The following ZCWPW1 variants were observed in gnomAD, a reference collection of about 807,000 sequenced individuals.
The protein encoded by ZCWPW1 is zinc finger CW-type and PWWP domain containing 1.
ZCWPW1 carries 56 observed loss-of-function variants against 81.3 expected under a neutral mutation model. The observed-to-expected ratio is 0.69, with a 90% CI of 0.56 to 0.86. ZCWPW1 has a LOEUF of 0.86. ZCWPW1 is among the 40% of genes least tolerant of loss of function. ZCWPW1 has a pLI of 0.00. For missense variants in ZCWPW1, 650 were observed against 769.8 expected, an observed-to-expected ratio of 0.84 and a Z score of 1.84; for synonymous variants, 250 against 273.7, an observed-to-expected ratio of 0.91 and a Z score of 0.86.
intron 5 of ZCWPW1, chr7:100,417,421 C>T (rs928116027): frequency 6.8e-6 from 3 of 440,820 alleles, no homozygotes; most frequent in Non-Finnish European, 1.2e-5. Flanking sequence ...ATTTTGTGTA[C>T]ATAAAAAAAT....
Position 100,409,551 on chromosome 7 carries a change from G to C in ZCWPW1, c.755-7C>G, listed in dbSNP as rs758883408. ...ACCCAGACCAGACATTGACCTGTGA[G>C]AGGAAAAAAATGAAATAAGAGACTT... On this transcript the variant is annotated splice_polypyrimidine_tract_variant and splice_region_variant and intron_variant, in intron 8 of 17. Transcript: ENST00000684423. 63 of 1,601,104 alleles carry C rather than the reference G, an allele frequency of 3.9e-5. No homozygotes were observed. Among genetic ancestry groups the C allele is most frequent in the Non-Finnish European group, 5.0e-5 (59 of 1,170,926 alleles).
rs575221243 is a variant in ZCWPW1 at position 100,417,450 on chromosome 7, G to A, written c.362-267C>T. Reference sequence around the variant, plus strand: ...AAAAAATTATAGGCCAGGCATGGTGGCTCACGCCTGTAATCCTAACACTTT... The same window carrying A: ...AAAAAATTATAGGCCAGGCATGGTGACTCACGCCTGTAATCCTAACACTTT... On this transcript the variant is annotated intron_variant, in intron 5 of 17. Coordinates refer to ENST00000684423, the MANE Select transcript of ZCWPW1 (RefSeq NM_001386010.1). 78 of 365,310 alleles carry A rather than the reference G, an allele frequency of 2.1e-4. No homozygotes were observed. In the South Asian group the frequency reaches 2.7e-3, roughly 13 times the overall value. The allele number at this position is 365,310 out of a possible 1,614,324, so 22.6% of individuals were successfully genotyped here.
intron 8 of ZCWPW1, among the ~76,000 whole-genome samples, chr7:100,412,934 C>G (rs1413242637): frequency 6.6e-6 from 1 of 152,088 alleles, no homozygotes. Flanking sequence ...GTTACCCATG[C>G]TGGAGTGATG....
chr7:100,418,803 A>T (rs1563144822), intron 5 of ZCWPW1: 1 of 163,130 alleles, frequency 6.1e-6, no homozygotes, highest in African/African-American at 2.4e-5. Flanking sequence ...AAAAAAAAAA[A>T]TAATAAATAA....
At chr7:100,424,947 A>T (rs1337039964) in intron 2 of ZCWPW1, 83 bp downstream of exon 2, 1 of 152,188 alleles carries the variant, frequency 6.6e-6, no homozygotes, top group Non-Finnish European at 1.5e-5. Flanking sequence ...GATGTAATAA[A>T]TCTATAAACA....
chr7:100,402,997 T>C (rs985538875), intron 15 of ZCWPW1, among the ~76,000 whole-genome samples: 2 of 152,098 alleles, frequency 1.3e-5, no homozygotes, highest in Non-Finnish European at 2.9e-5. Flanking sequence ...GTCAAATACA[T>C]ACAGTAGGAA....
At position 100,416,377 on chromosome 7, in the gene ZCWPW1, C is replaced by G; in HGVS notation, c.559G>C (p.Gly187Arg). The G allele has an allele frequency of 1.2e-6, 2 of 1,614,126 alleles. No homozygotes were observed. Among genetic ancestry groups the G allele is most frequent in the Non-Finnish European group, 1.7e-6 (2 of 1,180,024 alleles). Residue 187 changes from glycine (G) to arginine (R), a missense_variant, in exon 7 of 18, where the codon GGC (glycine) becomes CGC (arginine). Physicochemically the swap from Gly to Arg is moderately radical, Grantham distance 125. Coordinates refer to ENST00000684423, the MANE Select transcript of ZCWPW1 (RefSeq NM_001386010.1). Reference sequence around the variant, plus strand: ...TTAGAGGGTGCAGGATCTGGCTGGCCTAACTTAGATGTCCTTATCTCAGGG... The same window carrying G: ...TTAGAGGGTGCAGGATCTGGCTGGCGTAACTTAGATGTCCTTATCTCAGGG... ...AAPEIRTSKLGQPDPAPSKKK... is the reference protein window; with the variant it reads ...AAPEIRTSKLRQPDPAPSKKK...
chr7:100,410,383 A>T (rs1215679301), intron 8 of ZCWPW1, among the ~76,000 whole-genome samples: 1 of 152,134 alleles, frequency 6.6e-6, no homozygotes, highest in Non-Finnish European at 1.5e-5. Flanking sequence ...AAGTGCAGTC[A>T]GTTCCTCTCA....
intron 14 of ZCWPW1, 127 bp from the exon 15 acceptor site, chr7:100,403,912 A>C: frequency 9.4e-7 from 1 of 1,066,908 alleles, no homozygotes; most frequent in South Asian, 1.4e-5. Flanking sequence ...TTCTCCATAA[A>C]ATGTGATCCC....
intron 2 of ZCWPW1, among the ~76,000 whole-genome samples, chr7:100,423,547 C>G (rs563685708): frequency 6.6e-6 from 1 of 152,318 alleles, no homozygotes; most frequent in East Asian, 1.9e-4. Context: ...CAGCATTTTT[C>G]TCTTCCTTTT....
At chr7:100,416,945 CAAA>C (rs377744181) in intron 6 of ZCWPW1, 118 bp downstream of exon 6, 5,699 of 574,432 alleles carry the variant, frequency 9.9e-3, no homozygotes, top group South Asian at 0.013. Context: ...GACTCCGTCT[CAAA>C]AAAAAAAAAA....
chr7:100,418,956 A>G (rs1795849767), intron 5 of ZCWPW1, 155 bp downstream of exon 5: 2 of 580,772 alleles, frequency 3.4e-6, no homozygotes, highest in Non-Finnish European at 6.0e-6. Flanking sequence ...CTGTTGACAG[A>G]TGATGAAGTA....
At chr7:100,427,736 T>G (rs1797947093) in intron 1 of ZCWPW1, among the ~76,000 whole-genome samples, 1 of 149,934 alleles carries the variant, frequency 6.7e-6, no homozygotes, top group South Asian at 2.1e-4. Context: ...CAAATCCACC[T>G]GCAATCCAAA....
intron 8 of ZCWPW1, 150 bp from the exon 9 acceptor site, chr7:100,409,694 G>A: frequency 1.6e-6 from 1 of 609,490 alleles, no homozygotes. Context: ...ACTTATAAGA[G>A]GGAAACCAAG....
At chr7:100,409,026 G>GGA (rs1793647177) in intron 9 of ZCWPW1, among the ~76,000 whole-genome samples, 1 of 152,066 alleles carries the variant, frequency 6.6e-6, no homozygotes, top group Non-Finnish European at 1.5e-5. Flanking sequence ...AAATAATTGG[G>GGA]CTGGACAAGA....
At chr7:100,402,607 G>A (rs1423119678) in intron 15 of ZCWPW1, 31 bp from the exon 16 acceptor site, 1 of 1,603,524 alleles carries the variant, frequency 6.2e-7, no homozygotes, top group Non-Finnish European at 8.5e-7. Flanking sequence ...TTAAAAAAAT[G>A]ATAAATCAAG....
At chr7:100,427,354 G>C (rs1032044856) in intron 1 of ZCWPW1, among the ~76,000 whole-genome samples, 1 of 150,746 alleles carries the variant, frequency 6.6e-6, no homozygotes, top group Non-Finnish European at 1.5e-5. Flanking sequence ...CCTTAAGTCA[G>C]GAGTTCGGGA....
chr7:100,403,621 T>C (rs1430731261), intron 15 of ZCWPW1, 73 bp downstream of exon 15: 2 of 1,417,664 alleles, frequency 1.4e-6, no homozygotes, highest in Admixed American at 2.0e-5. Flanking sequence ...TCCAGGAGTT[T>C]GAGACCAGCC....
At chr7:100,424,869 G>C (rs1473121685) in intron 2 of ZCWPW1, among the ~76,000 whole-genome samples, 161 bp downstream of exon 2, 1 of 152,142 alleles carries the variant, frequency 6.6e-6, no homozygotes, top group East Asian at 1.9e-4. Context: ...ATCTTCCTAG[G>C]CCAAAGTATA....
Sources: allele counts gnomAD v4.1 joint callset (sites outside exome capture counted in the v4.1 genomes callset), GRCh38; gene constraint gnomAD v4.1.1; transcripts MANE v1.5; gene names NCBI Gene and HGNC (gene_info 2026-07-23, HGNC 2026-07-21).